The following DNAH8 variants were observed in gnomAD, a reference collection of about 807,000 sequenced individuals.
The protein encoded by DNAH8 is axonemal beta dynein heavy chain 8.
A neutral mutation model predicts 562.1 loss-of-function variants in DNAH8; 382 were observed. The ratio of observed to expected loss-of-function variants is 0.68; its 90% CI spans 0.63 to 0.74. The LOEUF (loss-of-function observed/expected upper bound fraction) is 0.74. DNAH8 is among the 30% of genes least tolerant of loss of function. The pLI, the probability that DNAH8 is intolerant of heterozygous loss-of-function variation, is 0.00. For synonymous variants in DNAH8, 1,881 were observed against 1,919.4 expected (o/e 0.98, Z 0.52); for missense variants, 5,203 against 5,620.4 (o/e 0.93, Z 2.37).
At chr6:38,931,731 T>C in intron 75 of DNAH8, 80 bp from the exon 76 acceptor site, 1 of 902,028 alleles carries the variant, frequency 1.1e-6, no homozygotes, top group East Asian at 2.7e-5. Flanking sequence ...CACTGACAGG[T>C]AAATTCTTTT....
At position 38,789,871 on chromosome 6, in the gene DNAH8, A is replaced by C. The variant is rs750208062; in HGVS notation, c.2652A>C (p.Pro884=). The C allele has an allele frequency of 2.6e-5, 42 of 1,610,908 alleles. No homozygotes were observed. In the East Asian group the frequency reaches 9.2e-4, roughly 35 times the overall value. The change falls in exon 19 of 93, where the codon CCA becomes CCC. Residue 884 remains proline (P), a synonymous_variant. Coordinates refer to ENST00000327475, the MANE Select transcript of DNAH8 (RefSeq NM_001206927.2). The part of the protein sequence containing the change: ...VPSVFVNLMT[P]KMKKVESVLR... ...CTGTGTTTGTCAATCTGATGACCCC[A>C]AAAATGAAAAAGGTTGGTATTGCTG...
At chr6:38,834,077 AC>A (rs1160772605) in intron 31 of DNAH8, among the ~76,000 whole-genome samples, 1 of 152,232 alleles carries the variant, frequency 6.6e-6, no homozygotes, top group African/African-American at 2.4e-5. Flanking sequence ...TATTCAATTT[AC>A]ATGTGTCCCT....
chr6:38,880,894 G>C (rs1778424332), intron 53 of DNAH8, among the ~76,000 whole-genome samples: 1 of 152,148 alleles, frequency 6.6e-6, no homozygotes, highest in Non-Finnish European at 1.5e-5. Context: ...TGTGCGTGGT[G>C]GCGGGTGCCT....
At chr6:38,898,689 A>T (rs1180826220) in intron 61 of DNAH8, among the ~76,000 whole-genome samples, 1 of 152,234 alleles carries the variant, frequency 6.6e-6, no homozygotes. Context: ...CTGTGAAAAA[A>T]TATACTTCCC....
chr6:38,924,930 C>G (rs1404546718), intron 73 of DNAH8: 1 of 152,142 alleles, frequency 6.6e-6, no homozygotes, highest in Non-Finnish European at 1.5e-5. Context: ...GCTGGGAATT[C>G]GATGCCACTG....
chr6:38,935,033 A>G (rs1375944046), intron 76 of DNAH8, among the ~76,000 whole-genome samples: 1 of 152,240 alleles, frequency 6.6e-6, no homozygotes, highest in African/African-American at 2.4e-5. Flanking sequence ...AAACTCCTGT[A>G]AACATTCAAG....
rs1358917341 is a variant in DNAH8, at chr6:38,886,777, G to T, written c.8260-14G>T. The T allele has an allele frequency of 5.6e-6, 9 of 1,602,554 alleles. No homozygotes were observed. Among genetic ancestry groups the T allele is most frequent in the Non-Finnish European group, 7.7e-6 (9 of 1,169,866 alleles). ...AGTGATATGTTACAAAAATATTGCTGTGTGAAATTTCAGATAACTAATGAG... is the reference window on the plus strand; with the variant it reads ...AGTGATATGTTACAAAAATATTGCTTTGTGAAATTTCAGATAACTAATGAG... On this transcript the variant is annotated splice_polypyrimidine_tract_variant and intron_variant, in intron 56 of 92. Coordinates refer to ENST00000327475, the MANE Select transcript of DNAH8 (RefSeq NM_001206927.2).
chr6:38,998,387 T>A (rs1033566522), intron 88 of DNAH8, among the ~76,000 whole-genome samples: 1 of 152,250 alleles, frequency 6.6e-6, no homozygotes, highest in Admixed American at 6.5e-5. Context: ...CAAATTCAAC[T>A]CTTTCAATGT....
rs145667595 is a variant in DNAH8, at chr6:38,993,540, C to G, written c.13214+3368C>G. Among the ~76,000 whole-genome samples the G allele has an allele frequency of 5.7e-3, 875 of 152,260 alleles. 8 individuals carry two copies. Among genetic ancestry groups the G allele is most frequent in the Admixed American group, 6.9e-3 (106 of 15,294 alleles). On this transcript the variant is annotated intron_variant, in intron 88 of 92. Coordinates refer to ENST00000327475, the MANE Select transcript of DNAH8 (RefSeq NM_001206927.2). ...GTTGTTCTTAGAGAAGTCTCAGACC[C>G]TTTCAACCCATTTCCCTCTTCTTTT...
At chr6:38,751,889 G>A (rs758814691) in intron 9 of DNAH8, among the ~76,000 whole-genome samples, 2 of 152,134 alleles carry the variant, frequency 1.3e-5, no homozygotes, top group Non-Finnish European at 2.9e-5. Context: ...TGCCCAGACA[G>A]CTGCATTTTT....
intron 8 of DNAH8, among the ~76,000 whole-genome samples, chr6:38,748,791 T>TAAA: frequency 6.8e-6 from 1 of 146,844 alleles, no homozygotes; most frequent in Non-Finnish European, 1.5e-5. Context: ...ATAATAATAA[T>TAAA]ATAACATTTA....
intron 1 of DNAH8, chr6:38,716,916 A>G (rs1174197214): frequency 5.3e-5 from 8 of 152,200 alleles, no homozygotes; most frequent in Admixed American, 5.2e-4. Context: ...ACCAGGATGC[A>G]TTTCTTGTTG....
chr6:38,934,777 A>G (rs1782817899), intron 76 of DNAH8, among the ~76,000 whole-genome samples: 1 of 152,200 alleles, frequency 6.6e-6, no homozygotes, highest in Non-Finnish European at 1.5e-5. Flanking sequence ...GATTTGCTAA[A>G]GTGTTTAGGG....
chr6:38,783,052 C>T lies in DNAH8; in HGVS notation c.2308C>T (p.Gln770Ter), dbSNP rs1263311591. Residue 770 changes from glutamine (Q) to a stop codon, truncating the protein, a stop_gained, in exon 17 of 93, where the codon CAG becomes TAG. Coordinates refer to ENST00000327475, the MANE Select transcript of DNAH8 (RefSeq NM_001206927.2). LOFTEE classifies it high-confidence loss of function. ...SSPDGKAVIR[Q>*]YNKISYVLVE... is the part of the protein sequence containing the mutation. Reference sequence around the variant, plus strand: ...TCCGGACGGTAAAGCTGTCATCCGTCAGTATAACAAGATCTCCTATGTGCT... The same window carrying T: ...TCCGGACGGTAAAGCTGTCATCCGTTAGTATAACAAGATCTCCTATGTGCT... 1 of 1,613,746 alleles carries T rather than the reference C, an allele frequency of 6.2e-7. No homozygotes were observed. The highest frequency in any genetic ancestry group is 8.5e-7 in the Non-Finnish European group (1 of 1,179,672).
At chr6:38,722,752 A>C in intron 1 of DNAH8, 24 bp from the exon 2 acceptor site, 1 of 1,493,878 alleles carries the variant, frequency 6.7e-7, no homozygotes, top group South Asian at 1.4e-5. Context: ...TGTAGTTTTA[A>C]ACGAACCTAT....
At chr6:38,759,756 T>C (rs1332156676) in intron 10 of DNAH8, among the ~76,000 whole-genome samples, 3 of 152,140 alleles carry the variant, frequency 2.0e-5, no homozygotes, top group African/African-American at 7.2e-5. Context: ...CTGATCACTT[T>C]GGCCTGTCTT....
intron 80 of DNAH8, among the ~76,000 whole-genome samples, chr6:38,947,523 G>A (rs1159193396): frequency 6.6e-6 from 1 of 152,200 alleles, no homozygotes; most frequent in African/African-American, 2.4e-5. Flanking sequence ...GTCAAAATTA[G>A]CAGGTGGAAA....
At position 38,864,001 on chromosome 6, in the gene DNAH8, A is replaced by AT. The variant is rs889563487; in HGVS notation, c.6445dup (p.Ser2149PhefsTer2). The AT allele has an allele frequency of 3.7e-6, 6 of 1,610,660 alleles. No homozygotes were observed. In the African/African-American group the frequency reaches 8.0e-5, roughly 22 times the overall value. On this transcript the variant is annotated frameshift_variant, in exon 45 of 93. Transcript: ENST00000327475. LOFTEE classifies it high-confidence loss of function. ...AAGAAAAGAAAGAAAGAAACAGTTC[A>AT]TTTTTTCTGATGGTGATTGTGTTGA...
At chr6:38,817,054 C>T (rs900443352) in intron 26 of DNAH8, among the ~76,000 whole-genome samples, 2 of 152,170 alleles carry the variant, frequency 1.3e-5, no homozygotes, top group African/African-American at 2.4e-5. Flanking sequence ...AACAAGATAC[C>T]AGGTAAGGCC....
Sources: allele counts gnomAD v4.1 joint callset (sites outside exome capture counted in the v4.1 genomes callset), GRCh38; gene constraint gnomAD v4.1.1; transcripts MANE v1.5; gene names NCBI Gene and HGNC (gene_info 2026-07-23, HGNC 2026-07-21).